DCC: variants seen among roughly 807,000 people sequenced by gnomAD.
The protein encoded by DCC is netrin receptor DCC.
A neutral mutation model predicts 172.5 loss-of-function variants in DCC; 58 were observed. The observed-to-expected ratio is 0.34, with a 90% CI of 0.27 to 0.42. The LOEUF (loss-of-function observed/expected upper bound fraction) is 0.42, where lower values mean the gene tolerates loss of function less well. DCC is among the 10% of genes least tolerant of loss of function. The pLI, the probability that DCC is intolerant of heterozygous loss-of-function variation, is 1.00. For synonymous variants in DCC, 709 were observed against 644.5 expected (o/e 1.10, Z -1.52); for missense variants, 1,740 against 1,791.0 (o/e 0.97, Z 0.51).
intron 17 of DCC, among the ~76,000 whole-genome samples, chr18:53,392,454 C>A (rs1021393621): frequency 6.6e-6 from 1 of 152,100 alleles, no homozygotes; most frequent in African/African-American, 2.4e-5. Flanking sequence ...ATGAATTCAC[C>A]AGCTCTCTGT....
chr18:52,566,792 C>A (rs527394285), intron 1 of DCC, among the ~76,000 whole-genome samples: 1 of 152,222 alleles, frequency 6.6e-6, no homozygotes, highest in Admixed American at 6.5e-5. Flanking sequence ...GCTCCCTGTG[C>A]AGGGCAAAGT....
chr18:53,090,495 C>T (rs996080119), intron 7 of DCC, among the ~76,000 whole-genome samples: 3 of 151,358 alleles, frequency 2.0e-5, no homozygotes, highest in Non-Finnish European at 2.9e-5. Flanking sequence ...AGATTGAGAC[C>T]ATCCTGGCTA....
chr18:53,393,001 C>T (rs10163656), intron 17 of DCC, among the ~76,000 whole-genome samples: 101,621 of 152,072 alleles, frequency 0.67, 36,948 homozygotes, highest in Non-Finnish European at 0.82. Flanking sequence ...CTTCCTACTC[C>T]TTTTGTGTTC....
intron 2 of DCC, among the ~76,000 whole-genome samples, chr18:52,828,426 A>G (rs1438111119): frequency 2.0e-5 from 3 of 152,024 alleles, no homozygotes; most frequent in Non-Finnish European, 4.4e-5. Context: ...AGTGATGAAA[A>G]ATATCATAGT....
chr18:53,255,260 A>C (rs983308109), intron 12 of DCC, among the ~76,000 whole-genome samples: 2 of 151,616 alleles, frequency 1.3e-5, no homozygotes, highest in Non-Finnish European at 2.9e-5. Flanking sequence ...ACATGTGCAC[A>C]ACATGCAGGT....
chr18:53,088,139 G>C (rs1018194501), intron 7 of DCC, among the ~76,000 whole-genome samples: 17 of 152,190 alleles, frequency 1.1e-4, no homozygotes, highest in Admixed American at 2.0e-4. Context: ...ATTCTGTGAA[G>C]AAAGTCATTG....
intron 15 of DCC, among the ~76,000 whole-genome samples, chr18:53,373,402 A>G (rs1415816316): frequency 2.0e-5 from 3 of 152,134 alleles, no homozygotes; most frequent in African/African-American, 7.2e-5. Context: ...CTCCCCCGAA[A>G]TAATCCAAGT....
intron 1 of DCC, among the ~76,000 whole-genome samples, chr18:52,642,087 C>CATAA (rs1568269866): frequency 1.1e-4 from 14 of 131,940 alleles, no homozygotes; most frequent in African/African-American, 4.0e-4. Context: ...TATACACACA[C>CATAA]ACACACACAC....
chr18:52,804,519 G>C (rs2038050953), intron 2 of DCC, among the ~76,000 whole-genome samples: 1 of 152,168 alleles, frequency 6.6e-6, no homozygotes, highest in Admixed American at 6.5e-5. Context: ...AATCAAAAAA[G>C]TTTGGTAATT....
chr18:52,455,374 C>T (rs985699855), intron 1 of DCC, among the ~76,000 whole-genome samples: 1 of 152,186 alleles, frequency 6.6e-6, no homozygotes, highest in Non-Finnish European at 1.5e-5. Flanking sequence ...AACCATCTTA[C>T]TTCTGAACCA....
chr18:52,855,696 T>G (rs1404796030), intron 2 of DCC, among the ~76,000 whole-genome samples: 1 of 151,930 alleles, frequency 6.6e-6, no homozygotes, highest in East Asian at 1.9e-4. Context: ...TAGAGGGGCA[T>G]CTACATAATC....
At chr18:53,235,836 C>T (rs2056195008) in intron 12 of DCC, among the ~76,000 whole-genome samples, 1 of 152,062 alleles carries the variant, frequency 6.6e-6, no homozygotes, top group African/African-American at 2.4e-5. Context: ...TCTGAATTTG[C>T]CTATTCCAAG....
At chr18:52,378,402 C>T (rs1047943803) in intron 1 of DCC, among the ~76,000 whole-genome samples, 2 of 151,948 alleles carry the variant, frequency 1.3e-5, no homozygotes, top group South Asian at 4.1e-4. Context: ...ATCCAACGAG[C>T]CTTTGTTTAG....
chr18:53,281,904 C>A (rs531422995), intron 12 of DCC, among the ~76,000 whole-genome samples: 8 of 151,804 alleles, frequency 5.3e-5, no homozygotes, highest in Admixed American at 1.3e-4. Flanking sequence ...ATCTTATACA[C>A]AGCTACGCTG....
At chr18:52,603,913 T>C (rs1041358254) in intron 1 of DCC, among the ~76,000 whole-genome samples, 6 of 152,148 alleles carry the variant, frequency 3.9e-5, no homozygotes. Flanking sequence ...AAGAAATTTA[T>C]CACTTTGTTT....
chr18:52,932,079 G>A (rs2040315088), intron 5 of DCC: 2 of 152,126 alleles, frequency 1.3e-5, no homozygotes, highest in African/African-American at 4.8e-5. Context: ...AGAAGAAAAT[G>A]TGGAAGGAGG....
intron 5 of DCC, among the ~76,000 whole-genome samples, chr18:52,976,427 C>T (rs1198122324): frequency 1.3e-5 from 2 of 152,104 alleles, no homozygotes; most frequent in South Asian, 2.1e-4. Flanking sequence ...TTTCCTGTAT[C>T]TGTGTCTTGA....
chr18:52,776,403 AAG>A (rs1190703292), intron 2 of DCC, among the ~76,000 whole-genome samples: 88 of 152,192 alleles, frequency 5.8e-4, no homozygotes, highest in African/African-American at 2.0e-3. Flanking sequence ...TTAAAAGAAA[AAG>A]AAGGGTTCAA....
intron 26 of DCC, among the ~76,000 whole-genome samples, chr18:53,491,493 TAATGCTATCCCTCCCCTACCCTCC>T (rs1225650942): frequency 6.6e-6 from 1 of 152,136 alleles, no homozygotes; most frequent in Non-Finnish European, 1.5e-5. Context: ...GTATTTTTCC[TAATGCTATCCCTCCCCTACCCTCC>T]AATCCCCGAG....
Sources: gnomAD v4.1 joint callset for allele counts (sites outside exome capture counted in the v4.1 genomes callset) on GRCh38, gnomAD v4.1.1 for gene constraint, MANE v1.5 for transcripts, NCBI Gene and HGNC (gene_info 2026-07-23, HGNC 2026-07-21) for gene names.